The following EIF1AY variants were observed in gnomAD, a reference collection of about 807,000 sequenced individuals.
EIF1AY encodes eukaryotic translation initiation factor 1A, Y-chromosomal.
For synonymous variants in EIF1AY, 16 were observed against 9.9 expected, an observed-to-expected ratio of 1.62 and a Z score of -1.16; for missense variants, 19 against 30.6, an observed-to-expected ratio of 0.62 and a Z score of 0.89.
At chrY:20,586,860 T>C (rs2089354762) in intron 4 of EIF1AY, 1 of 34,303 alleles carries the variant, frequency 2.9e-5, no homozygotes, top group East Asian at 7.5e-4. Context: ...ACTGTGCTTT[T>C]AAAATGTTAT....
intron 6 of EIF1AY, 99 bp from the exon 7 acceptor site, chrY:20,592,242 C>T: frequency 6.3e-6 from 1 of 158,062 alleles, no homozygotes; most frequent in South Asian, 8.2e-5. Context: ...CAGTTCAAAA[C>T]GATTTACTTC....
intron 6 of EIF1AY, 25 bp from the exon 7 acceptor site, chrY:20,592,316 G>T: frequency 8.4e-6 from 3 of 357,399 alleles, no homozygotes; most frequent in Non-Finnish European, 1.2e-5. Context: ...TTTTTCTATG[G>T]ATCTGATGTT....
intron 2 of EIF1AY, among the ~76,000 whole-genome samples, chrY:20,580,484 TA>T (rs2089349808): frequency 3.1e-5 from 1 of 32,600 alleles, no homozygotes; most frequent in Non-Finnish European, 7.5e-5. Context: ...AAAAAAAAAA[TA>T]AAGTAAATTT....
At chrY:20,583,133 C>T in intron 3 of EIF1AY, among the ~76,000 whole-genome samples, 1 of 33,345 alleles carries the variant, frequency 3.0e-5, no homozygotes, top group African/African-American at 1.2e-4. Flanking sequence ...GTTAGAAACT[C>T]TATTTGTTAG....
intron 6 of EIF1AY, among the ~76,000 whole-genome samples, chrY:20,592,075 T>C: frequency 3.0e-5 from 1 of 33,356 alleles, no homozygotes; most frequent in Non-Finnish European, 7.4e-5. Flanking sequence ...GTGTCCACCC[T>C]CAGAATATAA....
chrY:20,582,765 G>A, intron 3 of EIF1AY, 72 bp downstream of exon 3: 1 of 177,742 alleles, frequency 5.6e-6, no homozygotes. Context: ...CATGGTCCAA[G>A]CAATTTATTT....
In EIF1AY at chrY:20,579,651, A is replaced by T; in HGVS notation, c.60A>T (p.Glu20Asp). Residue 20 changes from glutamate to aspartate, a missense_variant, in exon 2 of 7, where the codon GAA (glutamate) becomes GAT (aspartate). Transcript: ENST00000361365. Reference protein sequence around the residue: ...KNRRRGKNENESEKRELVFKE... With the variant: ...KNRRRGKNENDSEKRELVFKE... ...GGCGCAGGGGTAAAAATGAGAATGAATCTGAAAAAAGAGAGTTGGTGTTTA... is the reference window on the plus strand; with the variant it reads ...GGCGCAGGGGTAAAAATGAGAATGATTCTGAAAAAAGAGAGTTGGTGTTTA... 2.6e-6 allele frequency: 1 copy of T among 387,520 alleles called. No homozygotes were observed. Among genetic ancestry groups the T allele is most frequent in the East Asian group, 9.5e-5 (1 of 10,519 alleles).
In EIF1AY at chrY:20,579,701, T is replaced by C. The variant is rs771584296; in HGVS notation, c.100+10T>C. 3.2e-6 allele frequency: 1 copy of C among 308,945 alleles called. No individual in the cohort carries two copies. Among genetic ancestry groups the C allele is most frequent in the South Asian group, 4.1e-5 (1 of 24,393 alleles). 77.1% of individuals were successfully genotyped at this position (308,945 alleles called of 400,897 possible). A position where few individuals can be genotyped will look rare whatever the true frequency, so the allele number is the denominator to read the frequency against. ...AAAGAGGATGGACAAGGTAAGACTT[T>C]TCAACTTAGGCTTCTTTCATTAATA... On this transcript the variant is annotated intron_variant, in intron 2 of 6. Coordinates refer to ENST00000361365, the MANE Select transcript of EIF1AY (RefSeq NM_004681.4).
intron 2 of EIF1AY, among the ~76,000 whole-genome samples, chrY:20,580,595 C>T (rs2089349876): frequency 3.1e-5 from 1 of 32,732 alleles, no homozygotes; most frequent in South Asian, 6.6e-4. Flanking sequence ...GTATTCTTCA[C>T]CTAGATTCAC....
chrY:20,585,347 T>A, intron 4 of EIF1AY, among the ~76,000 whole-genome samples: 1 of 33,742 alleles, frequency 3.0e-5, no homozygotes, highest in African/African-American at 1.2e-4. Context: ...GAGCGGTATA[T>A]AACAAAGACA....
intron 3 of EIF1AY, among the ~76,000 whole-genome samples, chrY:20,582,909 A>G (rs9341315): frequency 2.9e-4 from 10 of 34,211 alleles, no homozygotes; most frequent in African/African-American, 1.1e-3. Flanking sequence ...TATTCCTACC[A>G]GAAATGTTTA....
In EIF1AY at chrY:20,592,994, C is replaced by G; in HGVS notation, c.*648C>G. ...TGTATAAGATTAAGAGTTAAAGAAA[C>G]CGAACAATAAGTGGCAACCAATTAT... On this transcript the variant is annotated 3_prime_UTR_variant, in exon 7 of 7. Transcript: ENST00000361365. 1 of 33,491 alleles carries G rather than the reference C, an allele frequency of 3.0e-5. No individual in the cohort carries two copies. The highest frequency in any genetic ancestry group is 1.2e-4 in the African/African-American group (1 of 8,606). The allele number at this position is 33,491 out of a possible 400,897, so 8.4% of individuals were successfully genotyped here.
chrY:20,591,644 A>C, intron 6 of EIF1AY, among the ~76,000 whole-genome samples: 1 of 33,980 alleles, frequency 2.9e-5, no homozygotes, highest in Non-Finnish European at 7.3e-5. Context: ...CAATAACCAA[A>C]AGCATAAATA....
chrY:20,579,552 T>C, intron 1 of EIF1AY, 56 bp from the exon 2 acceptor site: 2 of 237,050 alleles, frequency 8.4e-6, no homozygotes, highest in East Asian at 1.1e-4. Context: ...GTTTAGTTTA[T>C]ATGATATTAT....
At chrY:20,591,251 A>G (rs2089358805) in intron 6 of EIF1AY, among the ~76,000 whole-genome samples, 3 of 32,927 alleles carry the variant, frequency 9.1e-5, no homozygotes, top group African/African-American at 3.6e-4. Context: ...CCCATGACAC[A>G]GCCTCGGGAA....
intron 4 of EIF1AY, 70 bp downstream of exon 4, chrY:20,584,594 A>G: frequency 6.2e-6 from 1 of 162,207 alleles, no homozygotes; most frequent in South Asian, 9.6e-5. Flanking sequence ...AGGTAACTAT[A>G]CTAGCATCTT....
chrY:20,589,649 G>A, intron 6 of EIF1AY, 74 bp downstream of exon 6: 1 of 295,346 alleles, frequency 3.4e-6, no homozygotes, highest in Middle Eastern at 7.4e-4. Context: ...CTTTGGGATA[G>A]TATTTACTGC....
intron 3 of EIF1AY, among the ~76,000 whole-genome samples, chrY:20,582,955 A>G: frequency 2.9e-5 from 1 of 33,922 alleles, no homozygotes; most frequent in South Asian, 6.3e-4. Flanking sequence ...AGACAAATCT[A>G]ATATATAACA....
intron 4 of EIF1AY, among the ~76,000 whole-genome samples, chrY:20,585,482 C>G (rs2089353986): frequency 3.0e-5 from 1 of 33,659 alleles, no homozygotes; most frequent in Non-Finnish European, 7.4e-5. Context: ...ACTGCTATGT[C>G]TATATTTTTA....
Sources: gnomAD v4.1 joint callset for allele counts (sites outside exome capture counted in the v4.1 genomes callset) on GRCh38, gnomAD v4.1.1 for gene constraint, MANE v1.5 for transcripts, NCBI Gene and HGNC (gene_info 2026-07-23, HGNC 2026-07-21) for gene names.